The following KATNAL1 variants were observed in gnomAD, a reference collection of about 807,000 sequenced individuals.
KATNAL1 encodes katanin catalytic subunit A1 like 1.
In KATNAL1, 32 loss-of-function variants were observed where a neutral mutation model predicts 55.2. That is an observed-to-expected ratio of 0.58 (90% confidence interval 0.44 to 0.78). The LOEUF (loss-of-function observed/expected upper bound fraction) is 0.78, where lower values mean the gene tolerates loss of function less well. Among genes scored for constraint, KATNAL1 ranks in the 30% least tolerant of loss-of-function variants. The pLI is 0.00. For synonymous variants in KATNAL1, 193 were observed against 193.6 expected (o/e 1.00, Z 0.02); for missense variants, 466 against 600.9 (o/e 0.78, Z 2.35).
chr13:30,301,675 G>A (rs1882864413), intron 1 of KATNAL1, among the ~76,000 whole-genome samples: 1 of 152,014 alleles, frequency 6.6e-6, no homozygotes, highest in South Asian at 2.1e-4. Context: ...ACAATTTACT[G>A]CCTCAAATTC....
rs1272395198 is a variant in KATNAL1, at chr13:30,207,881, A to G, written c.*659T>C. On this transcript the variant is annotated 3_prime_UTR_variant, in exon 11 of 11. Transcript: ENST00000380615. The stretch of plus-strand genomic sequence containing the variant: ...GTAAGAAGCACCAGCAAAAAATACT[A>G]AAGACAGAGAAATGACCTGGCAAAA... 1 of 152,230 alleles carries G rather than the reference A, an allele frequency of 6.6e-6. No homozygotes were observed. The allele number at this position is 152,230 out of a possible 1,614,324, so 9.4% of individuals were successfully genotyped here. A position where few individuals can be genotyped will look rare whatever the true frequency, so the allele number is the denominator to read the frequency against.
intron 4 of KATNAL1, among the ~76,000 whole-genome samples, chr13:30,251,068 G>A (rs1296087410): frequency 6.7e-6 from 1 of 148,266 alleles, no homozygotes; most frequent in Admixed American, 6.9e-5. Context: ...AACCCAGGAG[G>A]CAGAGCTTGC....
chr13:30,240,868 T>A (rs1877202502), intron 5 of KATNAL1, 91 bp downstream of exon 5: 2 of 1,159,150 alleles, frequency 1.7e-6, no homozygotes. Flanking sequence ...CATAATCAGA[T>A]TAATGAATAA....
chr13:30,230,934 C>T (rs1876036761), intron 7 of KATNAL1, among the ~76,000 whole-genome samples: 1 of 152,004 alleles, frequency 6.6e-6, no homozygotes, highest in African/African-American at 2.4e-5. Context: ...ACTGCAAATC[C>T]CATATGAAAA....
intron 1 of KATNAL1, among the ~76,000 whole-genome samples, chr13:30,295,795 G>A (rs1882444714): frequency 6.6e-6 from 1 of 152,204 alleles, no homozygotes. Context: ...GACTCCAATT[G>A]TGAAAGAATT....
rs1234731718 is a variant in KATNAL1, at chr13:30,207,373, CAAATTTTA to C, written c.*1159_*1166del. On this transcript the variant is annotated 3_prime_UTR_variant, in exon 11 of 11. Coordinates refer to ENST00000380615, the MANE Select transcript of KATNAL1 (RefSeq NM_032116.5). ...TAAAAGTTCTCAACCTAGACAAGGA[CAAATTTTA>C]GAATTTTCCAATGAACATCATTCAC... The C allele has an allele frequency of 1.3e-5, 2 of 152,194 alleles. No individual in the cohort carries two copies. The highest frequency in any genetic ancestry group is 2.9e-5 in the Non-Finnish European group (2 of 68,030). 9.4% of individuals were successfully genotyped at this position (152,194 alleles called of 1,614,324 possible).
chr13:30,209,843 G>A (rs948130022), intron 10 of KATNAL1, among the ~76,000 whole-genome samples: 8 of 151,856 alleles, frequency 5.3e-5, no homozygotes, highest in African/African-American at 1.7e-4. Flanking sequence ...GTGCAGTGGC[G>A]CGATCTCGGC....
At chr13:30,227,866 T>C (rs774595144) in intron 8 of KATNAL1, among the ~76,000 whole-genome samples, 6 of 152,078 alleles carry the variant, frequency 3.9e-5, no homozygotes, top group East Asian at 1.9e-4. Context: ...AGAAAAGGTA[T>C]GGGAGATTAG....
intron 8 of KATNAL1, among the ~76,000 whole-genome samples, chr13:30,227,931 AT>A (rs1371719516): frequency 6.6e-6 from 1 of 152,118 alleles, no homozygotes; most frequent in African/African-American, 2.4e-5. Context: ...CAAAAATTTT[AT>A]TTTAGTTTTT....
chr13:30,267,862 T>C (rs1301464367), intron 3 of KATNAL1, among the ~76,000 whole-genome samples: 3 of 152,110 alleles, frequency 2.0e-5, no homozygotes, highest in African/African-American at 7.2e-5. Context: ...GGGCTGGAGA[T>C]TTATTGACAC....
chr13:30,272,366 T>A (rs991679920), intron 3 of KATNAL1, among the ~76,000 whole-genome samples: 4 of 151,782 alleles, frequency 2.6e-5, no homozygotes, highest in Non-Finnish European at 5.9e-5. Flanking sequence ...CCACTGCACT[T>A]CAGCCTGGGC....
intron 1 of KATNAL1, among the ~76,000 whole-genome samples, chr13:30,305,791 C>T (rs561508368): frequency 6.6e-6 from 1 of 151,644 alleles, no homozygotes. Context: ...ATGCAGGATA[C>T]AGACTATCTT....
At chr13:30,260,188 A>C (rs956277800) in intron 3 of KATNAL1, among the ~76,000 whole-genome samples, 1 of 152,190 alleles carries the variant, frequency 6.6e-6, no homozygotes, top group East Asian at 1.9e-4. Flanking sequence ...AAACTAACAA[A>C]CAGAAAGGAC....
At chr13:30,287,070 G>A (rs1881837435) in intron 1 of KATNAL1, among the ~76,000 whole-genome samples, 1 of 152,184 alleles carries the variant, frequency 6.6e-6, no homozygotes, top group African/African-American at 2.4e-5. Context: ...CTCATAGGTG[G>A]AAGGAACTTG....
At position 30,260,898 on chromosome 13, in the gene KATNAL1, A is replaced by AATT. The variant is rs1566113246; in HGVS notation, c.324-5284_324-5283insAAT. Among the ~76,000 whole-genome samples, 3 of 150,084 alleles carry AATT rather than the reference A, an allele frequency of 2.0e-5. No individual in the cohort carries two copies. In the East Asian group the frequency reaches 5.8e-4, roughly 29 times the overall value. On this transcript the variant is annotated intron_variant, in intron 3 of 10. Transcript: ENST00000380615. ...ACAAAGATACTCCTCGAGAAGAGCA[A>AATT]CTCCAAGACACATAATTGTCAGATT...
intron 1 of KATNAL1, among the ~76,000 whole-genome samples, chr13:30,290,208 G>T (rs1382148950): frequency 1.3e-5 from 2 of 151,588 alleles, no homozygotes; most frequent in Non-Finnish European, 2.9e-5. Context: ...GTTGAGGGAA[G>T]AAATCAATGA....
chr13:30,225,872 T>A, intron 9 of KATNAL1, among the ~76,000 whole-genome samples: 1 of 149,226 alleles, frequency 6.7e-6, no homozygotes, highest in Non-Finnish European at 1.5e-5. Context: ...ATAAAGAAAA[T>A]CAAAAGGCAA....
chr13:30,224,074 C>T (rs1348629959), intron 9 of KATNAL1, among the ~76,000 whole-genome samples: 1 of 151,918 alleles, frequency 6.6e-6, no homozygotes, highest in Non-Finnish European at 1.5e-5. Context: ...TTATTTGGCT[C>T]CCAAACCAAT....
intron 4 of KATNAL1, among the ~76,000 whole-genome samples, chr13:30,245,055 G>T (rs908265499): frequency 6.6e-6 from 1 of 150,628 alleles, no homozygotes; most frequent in African/African-American, 2.4e-5. Context: ...CTCATTTTAT[G>T]AGGCCAGCCT....
Sources: gnomAD v4.1 joint callset for allele counts (sites outside exome capture counted in the v4.1 genomes callset) on GRCh38, gnomAD v4.1.1 for gene constraint, MANE v1.5 for transcripts, NCBI Gene and HGNC (gene_info 2026-07-23, HGNC 2026-07-21) for gene names.